TDG: variants seen among roughly 807,000 people sequenced by gnomAD.
TDG encodes thymine DNA glycosylase, also known as G/T mismatch-specific thymine DNA glycosylase.
A neutral mutation model predicts 46.1 loss-of-function variants in TDG; 23 were observed. The ratio of observed to expected loss-of-function variants is 0.50; its 90% confidence interval spans 0.36 to 0.71. TDG has a LOEUF of 0.71. TDG is among the 30% of genes least tolerant of loss of function. The pLI is 0.00. For synonymous variants in TDG, 115 were observed against 161.3 expected (o/e 0.71, Z 2.18); for missense variants, 304 against 486.7 (o/e 0.62, Z 3.53).
At chr12:103,971,883 T>C (rs1010120472) in intron 1 of TDG, among the ~76,000 whole-genome samples, 2 of 152,214 alleles carry the variant, frequency 1.3e-5, no homozygotes, top group Admixed American at 1.3e-4. Flanking sequence ...ATCTAATTCC[T>C]CATTTTCATG....
intron 4 of TDG, among the ~76,000 whole-genome samples, chr12:103,981,614 T>C (rs1438140512): frequency 6.6e-6 from 1 of 152,226 alleles, no homozygotes; most frequent in Non-Finnish European, 1.5e-5. Flanking sequence ...TACATCTTTG[T>C]GGCAGTGCAG....
intron 4 of TDG, 48 bp from the exon 5 acceptor site, chr12:103,982,751 C>T: frequency 4.4e-6 from 7 of 1,585,212 alleles, no homozygotes; most frequent in East Asian, 2.2e-5. Flanking sequence ...GGTGACAGAG[C>T]GAGACCCTGT....
Position 103,977,068 on chromosome 12 carries a change from C to T in TDG, c.166+8C>T. The T allele has an allele frequency of 6.2e-7, 1 of 1,600,480 alleles. No homozygotes were observed. The highest frequency in any genetic ancestry group is 8.5e-7 in the Non-Finnish European group (1 of 1,175,968). ...CTCAGGAACCAGTGCAAGGTAGTTT[C>T]ACCATGAGAGCTTAGAAAGTTCAAC... On this transcript the variant is annotated splice_region_variant and intron_variant, in intron 2 of 9. Transcript: ENST00000392872.
At position 103,983,236 on chromosome 12, in the gene TDG, A is replaced by AT. The variant is rs769371504; in HGVS notation, c.697+28dup. The AT allele has an allele frequency of 1.3e-3, 2,015 of 1,510,700 alleles. No individual in the cohort carries two copies. Among genetic ancestry groups the AT allele is most frequent in the South Asian group, 2.1e-3 (162 of 78,512 alleles). The allele number at this position is 1,510,700 out of a possible 1,614,324, so 93.6% of individuals were successfully genotyped here. On this transcript the variant is annotated intron_variant, in intron 6 of 9. Transcript: ENST00000392872. ...TGGAAAATGTAAGATTTACTTTTAAATTTTTTTTTTCTTTGCTAACATTAT... is the reference window on the plus strand; with the variant it reads ...TGGAAAATGTAAGATTTACTTTTAAATTTTTTTTTTTCTTTGCTAACATTAT...
chr12:103,983,229 CT>C lies in TDG; in HGVS notation c.697+15del, dbSNP rs747699393. ...TGTTTAATGGAAAATGTAAGATTTACTTTTAAATTTTTTTTTTCTTTGCTAA... is the reference window on the plus strand; with the variant it reads ...TGTTTAATGGAAAATGTAAGATTTACTTTAAATTTTTTTTTTCTTTGCTAA... On this transcript the variant is annotated intron_variant, in intron 6 of 9. Transcript: ENST00000392872. The C allele has an allele frequency of 1.0e-5, 16 of 1,574,086 alleles. No individual in the cohort carries two copies. The highest frequency in any genetic ancestry group is 1.4e-5 in the Non-Finnish European group (16 of 1,166,016).
chr12:103,969,726 G>A (rs1871210641), intron 1 of TDG, among the ~76,000 whole-genome samples: 1 of 152,192 alleles, frequency 6.6e-6, no homozygotes, highest in Non-Finnish European at 1.5e-5. Flanking sequence ...TCGTTGATGG[G>A]AAACTCAGTG....
Position 103,985,636 on chromosome 12 carries a change from A to G in TDG, c.998A>G (p.Lys333Arg). 1 of 1,614,106 alleles carries G rather than the reference A, an allele frequency of 6.2e-7. No homozygotes were observed. The highest frequency in any genetic ancestry group is 8.5e-7 in the Non-Finnish European group (1 of 1,179,922). The change falls in exon 9 of 10, where the codon AAA becomes AGA. Residue 333 changes from lysine to arginine, a missense_variant. Transcript: ENST00000392872. Reference protein sequence around the residue: ...DAKKMAVKEEKYDPGYEAAYG... With the variant: ...DAKKMAVKEERYDPGYEAAYG... ...AAGAAGATGGCTGTTAAGGAAGAAA[A>G]ATATGATCCAGGTTATGAGGCAGCA... is the stretch of plus-strand genomic sequence containing the variant.
At chr12:103,974,744 G>A (rs976476236) in intron 1 of TDG, among the ~76,000 whole-genome samples, 1 of 152,120 alleles carries the variant, frequency 6.6e-6, no homozygotes, top group African/African-American at 2.4e-5. Context: ...GCTGAGGCGG[G>A]TGGATCGCGA....
chr12:103,985,590 A>C lies in TDG; in HGVS notation c.965-13A>C, dbSNP rs1166406903. The C allele has an allele frequency of 9.2e-7, 1 of 1,089,216 alleles. No homozygotes were observed. The highest frequency in any genetic ancestry group is 6.2e-5 in the East Asian group (1 of 16,104). The allele number at this position is 1,089,216 out of a possible 1,614,324, so 67.5% of individuals were successfully genotyped here. A position where few individuals can be genotyped will look rare whatever the true frequency, so the allele number is the denominator to read the frequency against. On this transcript the variant is annotated splice_polypyrimidine_tract_variant and intron_variant, in intron 8 of 9. Transcript: ENST00000392872. ...ACAAAATCAGATTTAAATCCTTTTTACCTTCCTCACAGAGGATGCAAAGAA... is the reference window on the plus strand; with the variant it reads ...ACAAAATCAGATTTAAATCCTTTTTCCCTTCCTCACAGAGGATGCAAAGAA...
intron 2 of TDG, among the ~76,000 whole-genome samples, chr12:103,978,713 GGGTAACTATA>G (rs1871657921): frequency 1.3e-5 from 2 of 152,156 alleles, no homozygotes; most frequent in Non-Finnish European, 2.9e-5. Context: ...GCTTCCTGTT[GGGTAACTATA>G]GGTCAGTGGT....
intron 1 of TDG, among the ~76,000 whole-genome samples, chr12:103,971,093 C>G (rs1271214525): frequency 6.6e-6 from 1 of 152,126 alleles, no homozygotes; most frequent in African/African-American, 2.4e-5. Flanking sequence ...TATACAAATA[C>G]TATGCCATTT....
chr12:103,983,396 C>T lies in TDG; in HGVS notation c.792+7C>T. The T allele has an allele frequency of 6.6e-7, 1 of 1,513,226 alleles. No individual in the cohort carries two copies. 93.7% of individuals were successfully genotyped at this position (1,513,226 alleles called of 1,614,324 possible). On this transcript the variant is annotated splice_region_variant and intron_variant, in intron 7 of 9. Transcript: ENST00000392872. ...GATTCCAGACACAGAAACTGTAAGT[C>T]CCTAAAATTGAATTTGTAAATCAGC...
At chr12:103,986,282 A>G (rs1205939045) in intron 9 of TDG, 1 of 152,222 alleles carries the variant, frequency 6.6e-6, no homozygotes, top group Non-Finnish European at 1.5e-5. Flanking sequence ...TCCTCCTTTA[A>G]TAACAAATGA....
intron 1 of TDG, among the ~76,000 whole-genome samples, chr12:103,970,540 T>TG (rs1401774785): frequency 3.9e-5 from 6 of 151,922 alleles, no homozygotes; most frequent in Non-Finnish European, 5.9e-5. Context: ...TAAAAGAAGT[T>TG]GGAGTCATTA....
intron 3 of TDG, chr12:103,980,521 G>A: frequency 4.4e-6 from 1 of 229,546 alleles, no homozygotes; most frequent in Non-Finnish European, 8.5e-6. Context: ...TGTAGGTGAT[G>A]TGGAGCGAGC....
At chr12:103,985,998 C>A (rs776092614) in intron 9 of TDG, among the ~76,000 whole-genome samples, 25 of 152,178 alleles carry the variant, frequency 1.6e-4, no homozygotes, top group Non-Finnish European at 2.8e-4. Context: ...TGGCTCACTG[C>A]AAGCTCCCCC....
intron 1 of TDG, among the ~76,000 whole-genome samples, chr12:103,974,064 A>G (rs1871398341): frequency 6.6e-6 from 1 of 152,132 alleles, no homozygotes; most frequent in South Asian, 2.1e-4. Context: ...TGGTTTGTCC[A>G]TTGGGATTGG....
Position 103,988,182 on chromosome 12 carries a change from GT to G in TDG, c.*1093del, listed in dbSNP as rs1215973636. On this transcript the variant is annotated 3_prime_UTR_variant, in exon 10 of 10. Coordinates refer to ENST00000392872, the MANE Select transcript of TDG (RefSeq NM_003211.6). ...TGCTACAAATAATCCAGACTACCAG[GT>G]CTGGTAGATATTAAAGCTGGGTACT... The G allele has an allele frequency of 6.6e-6, 1 of 152,364 alleles. No homozygotes were observed. The highest frequency in any genetic ancestry group is 2.4e-5 in the African/African-American group (1 of 41,482). The allele number at this position is 152,364 out of a possible 1,614,324, so 9.4% of individuals were successfully genotyped here.
chr12:103,981,042 GT>G lies in TDG; in HGVS notation c.478+85del. 2.3e-6 allele frequency: 3 copies of G among 1,297,148 alleles called. No individual in the cohort carries two copies. In the South Asian group the frequency reaches 3.8e-5, roughly 17 times the overall value. The allele number at this position is 1,297,148 out of a possible 1,614,324, so 80.4% of individuals were successfully genotyped here. The stretch of plus-strand genomic sequence containing the variant: ...AGGTTTTTTCAGAAAAACCAATTGT[GT>G]TTTTAAAAAGAAAGAGACTGTAAAT... On this transcript the variant is annotated intron_variant, in intron 4 of 9. Transcript: ENST00000392872.
Sources: allele counts gnomAD v4.1 joint callset (sites outside exome capture counted in the v4.1 genomes callset), GRCh38; gene constraint gnomAD v4.1.1; transcripts MANE v1.5; gene names NCBI Gene and HGNC (gene_info 2026-07-23, HGNC 2026-07-21).